GPALPP1: variants seen among roughly 807,000 people sequenced by gnomAD.
GPALPP1 encodes the protein GPALPP motifs-containing protein 1.
In GPALPP1, 30 loss-of-function variants were observed where a neutral mutation model predicts 38.9. That is an observed-to-expected ratio of 0.77 (90% CI 0.58 to 1.05). The LOEUF is 1.05. Among genes scored for constraint, GPALPP1 ranks in the 50% least tolerant of loss-of-function variants. GPALPP1 has a pLI of 0.00. For missense variants in GPALPP1, 384 were observed against 408.8 expected, an observed-to-expected ratio of 0.94 and a Z score of 0.52; for synonymous variants, 120 against 139.2, an observed-to-expected ratio of 0.86 and a Z score of 0.97.
chr13:45,005,250 C>CACCAT (rs1253534521), intron 2 of GPALPP1: 1 of 151,238 alleles, frequency 6.6e-6, no homozygotes, highest in Non-Finnish European at 1.5e-5. Context: ...AGGTGTGTGC[C>CACCAT]ACCATACCTG....
intron 7 of GPALPP1, among the ~76,000 whole-genome samples, chr13:45,021,653 A>C (rs575072528): frequency 2.0e-5 from 3 of 151,994 alleles, no homozygotes; most frequent in Admixed American, 6.6e-5. Flanking sequence ...AAAAAAAAAA[A>C]CCTGGAAATC....
intron 1 of GPALPP1, chr13:44,990,051 C>A (rs908326852): frequency 3.7e-5 from 19 of 513,464 alleles, no homozygotes; most frequent in Non-Finnish European, 5.8e-5. Context: ...AAGAAAAAAA[C>A]TATTTTCCCA....
At chr13:44,994,282 T>TA (rs1218749243) in intron 1 of GPALPP1, among the ~76,000 whole-genome samples, 6 of 150,386 alleles carry the variant, frequency 4.0e-5, no homozygotes, top group Admixed American at 2.0e-4. Flanking sequence ...TCTAATTTCT[T>TA]AAAAAAATGC....
chr13:44,993,813 C>CTTT (rs71070951), intron 1 of GPALPP1, among the ~76,000 whole-genome samples: 5 of 146,444 alleles, frequency 3.4e-5, no homozygotes, highest in South Asian at 2.2e-4. Flanking sequence ...TTCTGTTTGT[C>CTTT]TTTTTTTTTT....
At position 45,014,984 on chromosome 13, in the gene GPALPP1, T is replaced by C; in HGVS notation, c.441T>C (p.Ile147=). The change falls in exon 5 of 8, where the codon ATT becomes ATC. Residue 147 remains isoleucine, a synonymous_variant. Transcript: ENST00000379151. ...ETDSSEDEDI[I]GPMPAKGPVN... is the part of the protein sequence containing the mutation. The stretch of plus-strand genomic sequence containing the variant: ...ACAGCAGTGAAGATGAGGATATTAT[T>C]GGACCAATGCCTGCAAAAGGACCAG... 3.7e-6 allele frequency: 6 copies of C among 1,607,488 alleles called. No homozygotes were observed. The highest frequency in any genetic ancestry group is 3.4e-6 in the Non-Finnish European group (4 of 1,175,412).
intron 6 of GPALPP1, among the ~76,000 whole-genome samples, chr13:45,019,026 A>AT (rs1566081949): frequency 0.021 from 396 of 18,606 alleles, no homozygotes; most frequent in East Asian, 0.057. Context: ...TACACATATA[A>AT]ATATATACAT....
chr13:44,995,452 T>C (rs185503106), intron 1 of GPALPP1, among the ~76,000 whole-genome samples: 42 of 152,112 alleles, frequency 2.8e-4, no homozygotes, highest in Admixed American at 9.2e-4. Flanking sequence ...TGTTTAATGA[T>C]TCCCAGTGAG....
intron 6 of GPALPP1, 61 bp downstream of exon 6, chr13:45,015,657 A>T: frequency 8.8e-7 from 1 of 1,138,654 alleles, no homozygotes; most frequent in Non-Finnish European, 1.2e-6. Context: ...TTTTGAAAAG[A>T]TATAATGCAA....
chr13:44,992,503 G>A (rs932786372), intron 1 of GPALPP1, among the ~76,000 whole-genome samples: 3 of 151,922 alleles, frequency 2.0e-5, no homozygotes, highest in Middle Eastern at 6.8e-3. Flanking sequence ...TTCTTTTATG[G>A]TAGAATTTTT....
At chr13:45,035,242 C>T (rs1876370011), downstream of GPALPP1, 1 of 152,466 alleles carries the variant, frequency 6.6e-6, no homozygotes, top group African/African-American at 2.4e-5. Context: ...AGGCGTGAGC[C>T]ACCGCCCCCG....
At chr13:44,993,813 CTT>C (rs71070951) in intron 1 of GPALPP1, among the ~76,000 whole-genome samples, 379 of 146,268 alleles carry the variant, frequency 2.6e-3, no homozygotes, top group Non-Finnish European at 2.7e-3. Flanking sequence ...TTCTGTTTGT[CTT>C]TTTTTTTTTT....
rs1249711974 is a variant in GPALPP1, at chr13:45,015,425, C to G, written c.541-7C>G. The G allele has an allele frequency of 6.6e-7, 1 of 1,522,096 alleles. No homozygotes were observed. Among genetic ancestry groups the G allele is most frequent in the East Asian group, 2.3e-5 (1 of 43,112 alleles). 94.3% of individuals were successfully genotyped at this position (1,522,096 alleles called of 1,614,324 possible). A position where few individuals can be genotyped will look rare whatever the true frequency, so the allele number is the denominator to read the frequency against. On this transcript the variant is annotated splice_region_variant and splice_polypyrimidine_tract_variant and intron_variant, in intron 5 of 7. Coordinates refer to ENST00000379151, the MANE Select transcript of GPALPP1 (RefSeq NM_018559.5). The stretch of plus-strand genomic sequence containing the variant: ...TTTCTATGCTGTGTTTTTTTTTTCT[C>G]TTAAAGGATTCATCTAAACCCATTG...
chr13:45,015,560 G>A lies in GPALPP1; in HGVS notation c.669G>A (p.Trp223Ter). The A allele has an allele frequency of 6.3e-7, 1 of 1,580,776 alleles. No homozygotes were observed. The highest frequency in any genetic ancestry group is 8.6e-7 in the Non-Finnish European group (1 of 1,164,346). The change falls in exon 6 of 8, where the codon TGG becomes TGA. Residue 223 changes from tryptophan (W) to a stop codon, truncating the protein, a stop_gained. Transcript: ENST00000379151. LOFTEE classifies it high-confidence loss of function. ...ADDTSGDRSI[W>*]TDTPADRERK... Reference sequence around the variant, plus strand: ...ACACATCTGGAGATCGATCAATCTGGACAGATACTCCAGCTGATAGGGAAA... The same window carrying A: ...ACACATCTGGAGATCGATCAATCTGAACAGATACTCCAGCTGATAGGGAAA...
At chr13:45,000,654 T>C (rs1419256459) in intron 1 of GPALPP1, among the ~76,000 whole-genome samples, 1 of 152,174 alleles carries the variant, frequency 6.6e-6, no homozygotes, top group Non-Finnish European at 1.5e-5. Flanking sequence ...GGAAAAAACA[T>C]ATCTTCCCTC....
Position 45,027,777 on chromosome 13 carries a change from C to T in GPALPP1, c.805-8C>T, listed in dbSNP as rs752436608. The T allele has an allele frequency of 4.6e-6, 6 of 1,311,950 alleles. No individual in the cohort carries two copies. The highest frequency in any genetic ancestry group is 3.3e-6 in the Non-Finnish European group (3 of 912,100). The allele number at this position is 1,311,950 out of a possible 1,614,324, so 81.3% of individuals were successfully genotyped here. On this transcript the variant is annotated splice_polypyrimidine_tract_variant and splice_region_variant and intron_variant, in intron 7 of 7. Transcript: ENST00000379151. Reference sequence around the variant, plus strand: ...TAGTTTTTATTTCTGCTCTCCTGCTCTCTCCAGGAATCAAAAAGATCAGAA... The same window carrying T: ...TAGTTTTTATTTCTGCTCTCCTGCTTTCTCCAGGAATCAAAAAGATCAGAA...
exon 8 of GPALPP1, chr13:45,037,642 A>G (rs1194281520): frequency 1.3e-5 from 2 of 152,252 alleles, no homozygotes; most frequent in African/African-American, 2.4e-5. Flanking sequence ...CAGTCAAATG[A>G]CAGTTTATCA....
At chr13:45,010,478 AT>A (rs993991206) in intron 4 of GPALPP1, among the ~76,000 whole-genome samples, 2 of 151,970 alleles carry the variant, frequency 1.3e-5, no homozygotes, top group Admixed American at 6.6e-5. Flanking sequence ...AATAACAGAG[AT>A]TTTTTTTATC....
At chr13:45,011,514 C>A (rs1373708520) in intron 4 of GPALPP1, among the ~76,000 whole-genome samples, 2 of 152,116 alleles carry the variant, frequency 1.3e-5, no homozygotes, top group African/African-American at 4.8e-5. Flanking sequence ...CACATGGCAG[C>A]ACCAAGGAGA....
At chr13:45,009,106 CG>C in intron 4 of GPALPP1, 15 of 613,442 alleles carry the variant, frequency 2.4e-5, no homozygotes, top group South Asian at 2.1e-4. Context: ...ACAGGATTGA[CG>C]GGGTGTTACC....
Sources: gnomAD v4.1 joint callset for allele counts (sites outside exome capture counted in the v4.1 genomes callset) on GRCh38, gnomAD v4.1.1 for gene constraint, MANE v1.5 for transcripts, NCBI Gene and HGNC (gene_info 2026-07-23, HGNC 2026-07-21) for gene names.